The following SDK1 variants were observed in gnomAD, a reference collection of about 807,000 sequenced individuals.
The protein encoded by SDK1 is protein sidekick-1.
Under a neutral mutation model 245.5 loss-of-function variants are expected in SDK1, and 157 were observed. The observed-to-expected ratio is 0.64, with a 90% CI of 0.56 to 0.73. The LOEUF (loss-of-function observed/expected upper bound fraction) is 0.73. SDK1 is among the 30% of genes least tolerant of loss of function. SDK1 has a pLI of 0.00. For synonymous variants in SDK1, 1,647 were observed against 1,278.5 expected (o/e 1.29, Z -6.15); for missense variants, 3,583 against 3,002.3 (o/e 1.19, Z -4.52).
intron 13 of SDK1, among the ~76,000 whole-genome samples, chr7:3,982,686 A>T (rs927838006): frequency 6.6e-6 from 1 of 152,090 alleles, no homozygotes; most frequent in Non-Finnish European, 1.5e-5. Context: ...TAAAAATACA[A>T]AAAATTAGCC....
intron 5 of SDK1, among the ~76,000 whole-genome samples, chr7:3,930,337 T>C (rs1779931373): frequency 6.6e-6 from 1 of 152,200 alleles, no homozygotes; most frequent in Non-Finnish European, 1.5e-5. Context: ...CACCTGGGTG[T>C]GGAGTGGAAA....
intron 1 of SDK1, among the ~76,000 whole-genome samples, chr7:3,484,324 A>C (rs144820156): frequency 1.1e-4 from 17 of 152,278 alleles, no homozygotes; most frequent in Non-Finnish European, 1.3e-4. Context: ...TCGAAAATAC[A>C]TATTCACTGG....
intron 35 of SDK1, among the ~76,000 whole-genome samples, chr7:4,188,397 T>A (rs1031136477): frequency 6.6e-5 from 10 of 152,218 alleles, no homozygotes; most frequent in Admixed American, 6.5e-4. Context: ...CACGGCTTAA[T>A]GGGCTTTGCT....
At chr7:3,987,686 G>T (rs1023418866) in intron 14 of SDK1, among the ~76,000 whole-genome samples, 4 of 152,196 alleles carry the variant, frequency 2.6e-5, no homozygotes, top group African/African-American at 7.2e-5. Context: ...CACTGCTCAT[G>T]TCTGTGGGAG....
At chr7:4,087,134 G>A (rs1255420386) in intron 22 of SDK1, among the ~76,000 whole-genome samples, 1 of 152,030 alleles carries the variant, frequency 6.6e-6, no homozygotes, top group Non-Finnish European at 1.5e-5. Context: ...GGTTCTAAAG[G>A]AACCCAACCA....
At chr7:4,224,644 A>G (rs960017749) in intron 40 of SDK1, among the ~76,000 whole-genome samples, 2 of 152,072 alleles carry the variant, frequency 1.3e-5, no homozygotes, top group African/African-American at 4.8e-5. Context: ...TTATATATCT[A>G]CAACCATTCT....
intron 5 of SDK1, among the ~76,000 whole-genome samples, chr7:3,866,909 G>T (rs992756870): frequency 1.3e-5 from 2 of 152,150 alleles, no homozygotes; most frequent in Admixed American, 6.5e-5. Context: ...GAGAACACGT[G>T]GCCTCCATCC....
chr7:3,791,483 T>G (rs1781087978), intron 4 of SDK1, among the ~76,000 whole-genome samples: 1 of 152,166 alleles, frequency 6.6e-6, no homozygotes. Context: ...GGGTCATCAG[T>G]CATGAGCCCA....
chr7:3,472,801 A>G (rs149518414), intron 1 of SDK1, among the ~76,000 whole-genome samples: 1 of 152,224 alleles, frequency 6.6e-6, no homozygotes, highest in African/African-American at 2.4e-5. Flanking sequence ...ATGAGAACAT[A>G]GGGTAACAGC....
intron 4 of SDK1, among the ~76,000 whole-genome samples, chr7:3,646,800 T>C (rs1397133236): frequency 6.6e-6 from 1 of 152,162 alleles, no homozygotes; most frequent in Non-Finnish European, 1.5e-5. Context: ...GTTTTGAAAG[T>C]AGAGACAATC....
At chr7:4,234,260 G>T (rs533694643) in intron 41 of SDK1, among the ~76,000 whole-genome samples, 2 of 152,188 alleles carry the variant, frequency 1.3e-5, no homozygotes, top group African/African-American at 4.8e-5. Flanking sequence ...ATTTCTTCAC[G>T]TGCACACCTT....
chr7:3,478,209 T>C (rs1781404990), intron 1 of SDK1, among the ~76,000 whole-genome samples: 1 of 152,132 alleles, frequency 6.6e-6, no homozygotes, highest in African/African-American at 2.4e-5. Flanking sequence ...CTCCCCTTTA[T>C]TCTTTGGGAT....
At chr7:4,030,623 T>A (rs542563233) in intron 17 of SDK1, among the ~76,000 whole-genome samples, 256 of 152,328 alleles carry the variant, frequency 1.7e-3, no homozygotes, top group African/African-American at 6.0e-3. Context: ...GCCTTGGTGC[T>A]ATGAAGCTTC....
rs751835213 is a variant in SDK1, at chr7:4,049,355, C to T, written c.2610C>T (p.Thr870=). Residue 870 remains threonine (T), a synonymous_variant, in exon 18 of 45, where the codon ACC becomes ACT. Transcript: ENST00000404826. ...ATGACTGCCCTGCCACAGTGCCCAC[C>T]GCGCCCCCGCAGAACGTGCAGACGG... The part of the protein sequence containing the change: ...VTEYTLQGVP[T]APPQNVQTEA... The T allele has an allele frequency of 2.4e-5, 38 of 1,613,680 alleles. No homozygotes were observed. The highest frequency in any genetic ancestry group is 5.0e-5 in the Admixed American group (3 of 60,006).
At position 4,268,187 on chromosome 7, in the gene SDK1, C is replaced by T. The variant is rs1000143848; in HGVS notation, c.*2803C>T. 2.6e-5 allele frequency: 26 copies of T among 987,306 alleles called. No homozygotes were observed. The highest frequency in any genetic ancestry group is 5.1e-4 in the Middle Eastern group (1 of 1,946). 61.2% of individuals were successfully genotyped at this position (987,306 alleles called of 1,614,324 possible). On this transcript the variant is annotated 3_prime_UTR_variant, in exon 45 of 45. Coordinates refer to ENST00000404826, the MANE Select transcript of SDK1 (RefSeq NM_152744.4). ...GCTGAGTCTCCCCACCCACCCCCAACGTGGCTCATTTCAGATTGCTTCGGC... is the reference window on the plus strand; with the variant it reads ...GCTGAGTCTCCCCACCCACCCCCAATGTGGCTCATTTCAGATTGCTTCGGC...
At chr7:3,496,445 G>C (rs912461830) in intron 1 of SDK1, among the ~76,000 whole-genome samples, 3 of 151,196 alleles carry the variant, frequency 2.0e-5, no homozygotes, top group South Asian at 2.1e-4. Flanking sequence ...GAGGTATCAC[G>C]CTGTGTTTTT....
intron 40 of SDK1, among the ~76,000 whole-genome samples, chr7:4,225,778 CT>C (rs778986230): frequency 5.9e-5 from 9 of 152,138 alleles, no homozygotes; most frequent in Non-Finnish European, 1.3e-4. Context: ...TGTGTGGAAA[CT>C]GACCCACAGG....
intron 4 of SDK1, among the ~76,000 whole-genome samples, chr7:3,719,111 A>C (rs1018258619): frequency 6.6e-6 from 1 of 152,320 alleles, no homozygotes; most frequent in Non-Finnish European, 1.5e-5. Flanking sequence ...AGGTATACCC[A>C]AGTCTGTATT....
Position 4,266,360 on chromosome 7 carries a change from A to G in SDK1, c.*976A>G, listed in dbSNP as rs1206591863. The G allele has an allele frequency of 2.0e-6, 2 of 985,304 alleles. No individual in the cohort carries two copies. Among genetic ancestry groups the G allele is most frequent in the African/African-American group, 1.7e-5 (1 of 57,232 alleles). The allele number at this position is 985,304 out of a possible 1,614,324, so 61.0% of individuals were successfully genotyped here. On this transcript the variant is annotated 3_prime_UTR_variant, in exon 45 of 45. Transcript: ENST00000404826. ...TTGTTCAGCTTTGTACATGGGAAAG[A>G]TGAAAAGCAACAGTGTCTGCAAATA...
Sources: gnomAD v4.1 joint callset for allele counts (sites outside exome capture counted in the v4.1 genomes callset) on GRCh38, gnomAD v4.1.1 for gene constraint, MANE v1.5 for transcripts, NCBI Gene and HGNC (gene_info 2026-07-23, HGNC 2026-07-21) for gene names.